The following VAV2 variants were observed in gnomAD, a reference collection of about 807,000 sequenced individuals.
The protein encoded by VAV2 is guanine nucleotide exchange factor VAV2.
A neutral mutation model predicts 132.5 loss-of-function variants in VAV2; 67 were observed. The ratio of observed to expected loss-of-function variants is 0.51; its 90% CI spans 0.42 to 0.62. The LOEUF (loss-of-function observed/expected upper bound fraction) is 0.62, where lower values mean the gene tolerates loss of function less well. Ranked by LOEUF, VAV2 falls within the 20% of genes least tolerant of loss-of-function variation. The probability of loss-of-function intolerance (pLI) is 0.00; values close to 1 mark genes in which losing one functional copy is unlikely to be tolerated. For synonymous variants in VAV2, 492 were observed against 443.5 expected (o/e 1.11, Z -1.37); for missense variants, 938 against 1,153.6 (o/e 0.81, Z 2.71).
intron 8 of VAV2, 100 bp from the exon 9 acceptor site, chr9:133,806,281 G>A (rs1835139798): frequency 2.6e-6 from 3 of 1,142,656 alleles, no homozygotes; most frequent in South Asian, 2.8e-5. Flanking sequence ...GTTCCCTCAA[G>A]GAGGGGAGGG....
Position 133,879,030 on chromosome 9 carries a change from C to T in VAV2, c.322-17598G>A, listed in dbSNP as rs530863194. On this transcript the variant is annotated intron_variant, in intron 2 of 29. Transcript: ENST00000371850. The surrounding 1 kb of genome is among the most constrained non-coding windows in gnomAD (Gnocchi z 4.4). ...GGGCAGGGAGGTGTCTCCTCAGGATCCCCCCGTTCCCCAGGCATCATCCGC... is the reference window on the plus strand; with the variant it reads ...GGGCAGGGAGGTGTCTCCTCAGGATTCCCCCGTTCCCCAGGCATCATCCGC... 1.4e-4 allele frequency among the ~76,000 whole-genome samples: 21 copies of T among 152,136 alleles called. No individual in the cohort carries two copies. The highest frequency in any genetic ancestry group is 5.1e-4 in the African/African-American group (21 of 41,430).
intron 2 of VAV2, among the ~76,000 whole-genome samples, chr9:133,882,316 A>AG (rs1838530159): frequency 1.3e-5 from 2 of 152,364 alleles, no homozygotes; most frequent in South Asian, 4.1e-4. Flanking sequence ...ACAGCCCCAA[A>AG]GGGGCGGCCC....
intron 1 of VAV2, among the ~76,000 whole-genome samples, chr9:133,954,617 C>T (rs977065747): frequency 6.6e-6 from 1 of 152,224 alleles, no homozygotes; most frequent in African/African-American, 2.4e-5. Context: ...TGCCACACAC[C>T]TGTGGGGCGG....
At chr9:133,815,148 G>A (rs191667403) in intron 4 of VAV2, among the ~76,000 whole-genome samples, 5 of 151,958 alleles carry the variant, frequency 3.3e-5, no homozygotes, top group African/African-American at 4.8e-5. Flanking sequence ...TTTGAAGCCC[G>A]GGTGGACCTA....
At position 133,883,188 on chromosome 9, in the gene VAV2, C is replaced by T. The variant is rs1002188340; in HGVS notation, c.322-21756G>A. On this transcript the variant is annotated intron_variant, in intron 2 of 29. Transcript: ENST00000371850. The surrounding 1 kb of genome is among the most constrained non-coding windows in gnomAD (Gnocchi z 4.2). ...TGCAAAAGACTCGGCTGTCCCCACA[C>T]ACCACTCCTGGAGCAGATGGGCCCT... Among the ~76,000 whole-genome samples the T allele has an allele frequency of 1.3e-5, 2 of 152,264 alleles. No homozygotes were observed. The highest frequency in any genetic ancestry group is 4.8e-5 in the African/African-American group (2 of 41,462).
intron 1 of VAV2, among the ~76,000 whole-genome samples, chr9:133,988,152 G>T (rs1842912563): frequency 6.6e-6 from 1 of 152,096 alleles, no homozygotes; most frequent in Non-Finnish European, 1.5e-5. Flanking sequence ...TGCCATGACT[G>T]GCAGGGAGGT....
rs139830005 is a variant in VAV2, at chr9:133,886,702, C to T, written c.322-25270G>A. 4.3e-3 allele frequency among the ~76,000 whole-genome samples: 657 copies of T among 152,332 alleles called. 2 individuals carry two copies. Among genetic ancestry groups the T allele is most frequent in the Admixed American group, 7.4e-3 (114 of 15,308 alleles). On this transcript the variant is annotated intron_variant, in intron 2 of 29. Transcript: ENST00000371850. ...GCACCTGCACACATTACACACCCCG[C>T]CAAGACCTTCCTCTTCCGCTGGCAA...
At chr9:133,784,812 G>A (rs1011277869) in intron 17 of VAV2, among the ~76,000 whole-genome samples, 3 of 152,136 alleles carry the variant, frequency 2.0e-5, no homozygotes, top group African/African-American at 7.2e-5. Flanking sequence ...GGCCCCCTGA[G>A]GTACTCAGGG....
At chr9:133,808,914 A>G in intron 7 of VAV2, 126 bp downstream of exon 7, 1 of 847,336 alleles carries the variant, frequency 1.2e-6, no homozygotes, top group Non-Finnish European at 1.8e-6. Flanking sequence ...GAGGGCCACC[A>G]AGTCTCCTTC....
rs1338908999 is a variant in VAV2, at chr9:133,776,082, T to G, written c.1966-2A>C. The G allele has an allele frequency of 6.2e-7, 1 of 1,612,926 alleles. No homozygotes were observed. The highest frequency in any genetic ancestry group is 2.2e-5 in the East Asian group (1 of 44,860). On this transcript the variant is annotated splice_acceptor_variant, in intron 23 of 29. Coordinates refer to ENST00000371850, the MANE Select transcript of VAV2 (RefSeq NM_001134398.2). LOFTEE classifies it high-confidence loss of function. ...GGATGGCGGCCGGCTGATGGGCGGC[T>G]GGTGGCAGAGCACAAGAGTGTTAAC...
At chr9:133,803,099 C>T (rs1393327207) in intron 9 of VAV2, among the ~76,000 whole-genome samples, 1 of 152,102 alleles carries the variant, frequency 6.6e-6, no homozygotes, top group Non-Finnish European at 1.5e-5. Flanking sequence ...TAGGAACCAT[C>T]CACAGGGCAG....
At chr9:133,948,577 G>T (rs1841449866) in intron 1 of VAV2, among the ~76,000 whole-genome samples, 1 of 152,184 alleles carries the variant, frequency 6.6e-6, no homozygotes. Flanking sequence ...CAAGCAGCTT[G>T]AGCCATGGCT....
At chr9:133,906,429 C>T (rs1025560098) in intron 2 of VAV2, among the ~76,000 whole-genome samples, 2 of 152,204 alleles carry the variant, frequency 1.3e-5, no homozygotes, top group Non-Finnish European at 2.9e-5. Context: ...GAGCCGCCCC[C>T]GCCCTGCCCA....
In VAV2 at chr9:133,885,191, T is replaced by C. The variant is rs115468655; in HGVS notation, c.322-23759A>G. 4.0e-3 allele frequency among the ~76,000 whole-genome samples: 616 copies of C among 152,290 alleles called. 4 individuals are homozygous for C. The highest frequency in any genetic ancestry group is 0.014 in the African/African-American group (587 of 41,554). ...ATTTGCTCCAGTGTCCTGCGATTGA[T>C]TCTTCTGAACTTCTGAGCCCACTCA... On this transcript the variant is annotated intron_variant, in intron 2 of 29. Transcript: ENST00000371850. The surrounding 1 kb of genome is among the most constrained non-coding windows in gnomAD (Gnocchi z 5.0).
rs118109295 is a variant in VAV2, at chr9:133,931,726, G to A, written c.321+7377C>T. 3.5e-3 allele frequency among the ~76,000 whole-genome samples: 538 copies of A among 152,318 alleles called. 4 individuals carry two copies. Among genetic ancestry groups the A allele is most frequent in the South Asian group, 7.7e-3 (37 of 4,816 alleles). On this transcript the variant is annotated intron_variant, in intron 2 of 29. Transcript: ENST00000371850. ...GGAGGCTCTGATCAACAGGGGAAGC[G>A]GGACCACTGTCCTCACGTCACAGGA...
chr9:133,861,145 C>T, intron 3 of VAV2: 1 of 469,552 alleles, frequency 2.1e-6, no homozygotes. Context: ...AGAGATTTTG[C>T]AGCCGTCAGT....
intron 9 of VAV2, among the ~76,000 whole-genome samples, chr9:133,800,712 C>T (rs1032881776): frequency 3.9e-5 from 6 of 152,216 alleles, no homozygotes; most frequent in Non-Finnish European, 7.3e-5. Context: ...CTTTCAATTT[C>T]ACACCAAGTC....
intron 2 of VAV2, among the ~76,000 whole-genome samples, chr9:133,931,031 A>C (rs1242419164): frequency 6.6e-6 from 1 of 152,242 alleles, no homozygotes; most frequent in Admixed American, 6.5e-5. Context: ...TCCTCTGGGA[A>C]GGTTCATTCC....
At chr9:133,958,235 C>T (rs1841852700) in intron 1 of VAV2, among the ~76,000 whole-genome samples, 1 of 123,806 alleles carries the variant, frequency 8.1e-6, no homozygotes, top group Admixed American at 8.1e-5. Context: ...GGAAGGCATG[C>T]CTCTTGCAGT....
Sources: gnomAD v4.1 joint callset for allele counts (sites outside exome capture counted in the v4.1 genomes callset) on GRCh38, gnomAD v4.1.1 for gene constraint, Gnocchi (gnomAD v3.1) non-coding constraint, MANE v1.5 for transcripts, NCBI Gene and HGNC (gene_info 2026-07-23, HGNC 2026-07-21) for gene names.